Variants in ZNF804B observed in about 807,000 individuals in gnomAD.
ZNF804B encodes the protein zinc finger 804B.
ZNF804B carries 80 observed loss-of-function variants against 101.4 expected under a neutral mutation model. That is an observed-to-expected ratio of 0.79 (90% CI 0.66 to 0.95). ZNF804B has a LOEUF of 0.95. Among genes scored for constraint, ZNF804B ranks in the 40% least tolerant of loss-of-function variants. The probability of loss-of-function intolerance (pLI) is 0.00; values close to 1 mark genes in which losing one functional copy is unlikely to be tolerated. For synonymous variants in ZNF804B, 622 were observed against 558.8 expected (o/e 1.11, Z -1.59); for missense variants, 1,673 against 1,561.9 (o/e 1.07, Z -1.20).
chr7:89,220,326 C>T (rs1317203633), intron 2 of ZNF804B, among the ~76,000 whole-genome samples: 1 of 151,340 alleles, frequency 6.6e-6, no homozygotes, highest in African/African-American at 2.4e-5. Context: ...ATTCCCAAAT[C>T]CTAGTGTGCA....
At chr7:88,871,758 G>A (rs1354784411) in intron 1 of ZNF804B, among the ~76,000 whole-genome samples, 1 of 152,118 alleles carries the variant, frequency 6.6e-6, no homozygotes, top group Non-Finnish European at 1.5e-5. Context: ...GAGGTCAGGA[G>A]TTCGAGACCA....
At chr7:88,765,141 C>T (rs983977212) in intron 1 of ZNF804B, among the ~76,000 whole-genome samples, 24 of 152,076 alleles carry the variant, frequency 1.6e-4, no homozygotes, top group African/African-American at 4.3e-4. Flanking sequence ...GGTATTTGAG[C>T]GCTATAATTT....
At chr7:89,302,663 C>T (rs2115925321) in intron 2 of ZNF804B, among the ~76,000 whole-genome samples, 1 of 152,058 alleles carries the variant, frequency 6.6e-6, no homozygotes, top group East Asian at 1.9e-4. Flanking sequence ...TCTAGCTACA[C>T]TTCCTGCCAG....
intron 1 of ZNF804B, among the ~76,000 whole-genome samples, chr7:89,178,525 A>C (rs1788239841): frequency 6.6e-6 from 1 of 152,172 alleles, no homozygotes; most frequent in Non-Finnish European, 1.5e-5. Flanking sequence ...ACAAACAATA[A>C]AACATGCAAA....
intron 1 of ZNF804B, among the ~76,000 whole-genome samples, chr7:89,064,560 G>A (rs1789425898): frequency 6.6e-6 from 1 of 152,260 alleles, no homozygotes; most frequent in East Asian, 1.9e-4. Flanking sequence ...TGGATTGATT[G>A]TTCCTTTATG....
chr7:89,147,299 G>A (rs1256053075), intron 1 of ZNF804B, among the ~76,000 whole-genome samples: 1 of 151,912 alleles, frequency 6.6e-6, no homozygotes, highest in African/African-American at 2.4e-5. Flanking sequence ...CCCAGGTATT[G>A]GAGAGCAATG....
intron 1 of ZNF804B, among the ~76,000 whole-genome samples, chr7:89,179,207 A>C (rs1788255338): frequency 6.6e-6 from 1 of 152,132 alleles, no homozygotes. Flanking sequence ...ATCTTTCTCT[A>C]GGTTTGAGAA....
At chr7:89,218,087 A>G in intron 1 of ZNF804B, 68 bp from the exon 2 acceptor site, 1 of 1,479,296 alleles carries the variant, frequency 6.8e-7, no homozygotes, top group Non-Finnish European at 9.2e-7. Context: ...TACCACCTTG[A>G]TTAATACGAG....
chr7:89,057,878 T>C (rs1789321180), intron 1 of ZNF804B, among the ~76,000 whole-genome samples: 1 of 152,090 alleles, frequency 6.6e-6, no homozygotes, highest in South Asian at 2.1e-4. Context: ...ATTTCAAACA[T>C]TATGAAATGC....
At chr7:88,764,357 G>A (rs1789947854) in intron 1 of ZNF804B, among the ~76,000 whole-genome samples, 1 of 152,072 alleles carries the variant, frequency 6.6e-6, no homozygotes, top group African/African-American at 2.4e-5. Context: ...ATCTTTTTCT[G>A]GGAATGCCTA....
chr7:89,078,640 AT>A (rs35025345), intron 1 of ZNF804B, among the ~76,000 whole-genome samples: 4,490 of 137,030 alleles, frequency 0.033, 56 homozygotes, highest in South Asian at 0.041. Flanking sequence ...GTCTAACACG[AT>A]TTTTTTTTTT....
intron 1 of ZNF804B, among the ~76,000 whole-genome samples, chr7:89,216,398 C>CT (rs1269527891): frequency 3.3e-5 from 5 of 152,196 alleles, no homozygotes; most frequent in African/African-American, 1.2e-4. Flanking sequence ...TTAGCACCAT[C>CT]TCAATGCTGT....
At chr7:89,216,279 G>GT (rs1464374907) in intron 1 of ZNF804B, among the ~76,000 whole-genome samples, 2 of 152,226 alleles carry the variant, frequency 1.3e-5, no homozygotes, top group Non-Finnish European at 1.5e-5. Flanking sequence ...TTGCACTCCA[G>GT]CCTGCACGAC....
At chr7:88,963,184 C>T (rs565217887) in intron 1 of ZNF804B, among the ~76,000 whole-genome samples, 3 of 151,096 alleles carry the variant, frequency 2.0e-5, no homozygotes, top group African/African-American at 7.3e-5. Context: ...AAAATTCATA[C>T]GGACTCTGAA....
intron 1 of ZNF804B, among the ~76,000 whole-genome samples, chr7:89,047,099 A>C (rs2116258121): frequency 6.6e-6 from 1 of 152,134 alleles, no homozygotes; most frequent in Middle Eastern, 3.4e-3. Context: ...TTTATCTGCA[A>C]GTTATGGATT....
intron 1 of ZNF804B, among the ~76,000 whole-genome samples, chr7:88,826,104 T>C (rs964014068): frequency 6.6e-6 from 1 of 152,172 alleles, no homozygotes; most frequent in Non-Finnish European, 1.5e-5. Context: ...AAACGAATTA[T>C]GTTGAAAAAG....
At chr7:88,884,459 T>G (rs1792090138) in intron 1 of ZNF804B, among the ~76,000 whole-genome samples, 1 of 151,822 alleles carries the variant, frequency 6.6e-6, no homozygotes, top group Non-Finnish European at 1.5e-5. Flanking sequence ...TCTATCTATC[T>G]TCTATCTATC....
chr7:89,332,536 T>C (rs1374139820), intron 3 of ZNF804B, among the ~76,000 whole-genome samples: 1 of 151,868 alleles, frequency 6.6e-6, no homozygotes, highest in Admixed American at 6.6e-5. Flanking sequence ...CCTTCTTTTA[T>C]AGTAGAGGGT....
chr7:89,106,769 T>A (rs530655716), intron 1 of ZNF804B, among the ~76,000 whole-genome samples: 2 of 152,214 alleles, frequency 1.3e-5, no homozygotes, highest in South Asian at 2.1e-4. Flanking sequence ...AAGTGATATG[T>A]TTTAGAATAC....
Sources: allele counts gnomAD v4.1 joint callset (sites outside exome capture counted in the v4.1 genomes callset), GRCh38; gene constraint gnomAD v4.1.1; transcripts MANE v1.5; gene names NCBI Gene and HGNC (gene_info 2026-07-23, HGNC 2026-07-21).